SEPTIN9: variants seen among roughly 807,000 people sequenced by gnomAD.
SEPTIN9 encodes the protein septin-9.
Under a neutral mutation model 56.6 loss-of-function variants are expected in SEPTIN9, and 13 were observed. The ratio of observed to expected loss-of-function variants is 0.23; its 90% CI spans 0.15 to 0.37. The LOEUF (loss-of-function observed/expected upper bound fraction) is 0.37. Ranked by LOEUF, SEPTIN9 falls within the 10% of genes least tolerant of loss-of-function variation. The pLI, the probability that SEPTIN9 is intolerant of heterozygous loss-of-function variation, is 1.00. For synonymous variants in SEPTIN9, 332 were observed against 334.1 expected, an observed-to-expected ratio of 0.99 and a Z score of 0.07; for missense variants, 650 against 823.1, an observed-to-expected ratio of 0.79 and a Z score of 2.57.
At position 77,445,532 on chromosome 17, in the gene SEPTIN9, G is replaced by C. The variant is rs2037707776; in HGVS notation, c.722-36612G>C. On this transcript the variant is annotated intron_variant, in intron 3 of 11. Coordinates refer to ENST00000427177, the MANE Select transcript of SEPTIN9 (RefSeq NM_001113491.2). The surrounding 1 kb of genome is among the most constrained non-coding windows in gnomAD (Gnocchi z 4.7). ...GGTGCATGTGTGCACGCACGTGTGT[G>C]TGTGTGTGCGTGCGTGCTGGGTGGG... The C allele has an allele frequency of 2.5e-6, 1 of 401,694 alleles. No homozygotes were observed. Among genetic ancestry groups the C allele is most frequent in the Admixed American group, 3.0e-5 (1 of 33,566 alleles). The allele number at this position is 401,694 out of a possible 1,614,324, so 24.9% of individuals were successfully genotyped here. A position where few individuals can be genotyped will look rare whatever the true frequency, so the allele number is the denominator to read the frequency against.
At chr17:77,480,605 T>C (rs77866796) in intron 3 of SEPTIN9, among the ~76,000 whole-genome samples, 4,520 of 152,288 alleles carry the variant, frequency 0.03, 90 homozygotes, top group African/African-American at 0.044. Flanking sequence ...GCTGCTCACT[T>C]GCCTGTCACG....
At position 77,500,367 on chromosome 17, in the gene SEPTIN9, A is replaced by AT. The variant is rs984811008; in HGVS notation, c.*1710dup. ...AGGCCATGTGGCCTGCCCAGCCTCA[A>AT]TGTCACTTGGTGGCGGGGTGGGGTG... On this transcript the variant is annotated 3_prime_UTR_variant, in exon 12 of 12. Transcript: ENST00000427177. 1 of 149,280 alleles carries AT rather than the reference A, an allele frequency of 6.7e-6. No individual in the cohort carries two copies. Among genetic ancestry groups the AT allele is most frequent in the Non-Finnish European group, 1.5e-5 (1 of 68,754 alleles). 9.2% of individuals were successfully genotyped at this position (149,280 alleles called of 1,614,324 possible).
chr17:77,294,103 CAAAAA>C (rs376507344), intron 1 of SEPTIN9, among the ~76,000 whole-genome samples: 1 of 115,902 alleles, frequency 8.6e-6, no homozygotes, highest in Admixed American at 8.4e-5. Flanking sequence ...GACCATGTCT[CAAAAA>C]AAAAAAAAAA....
intron 2 of SEPTIN9, among the ~76,000 whole-genome samples, chr17:77,391,124 C>A (rs1473471972): frequency 6.6e-6 from 1 of 152,156 alleles, no homozygotes; most frequent in African/African-American, 2.4e-5. Flanking sequence ...TGCCTCCTGC[C>A]AGGCTAGACC....
chr17:77,369,761 G>C lies in SEPTIN9; in HGVS notation c.77-32298G>C, dbSNP rs955936440. 6.6e-6 allele frequency among the ~76,000 whole-genome samples: 1 copy of C among 152,214 alleles called. No individual in the cohort carries two copies. On this transcript the variant is annotated intron_variant, in intron 2 of 11. Transcript: ENST00000427177. The surrounding 1 kb of genome is among the most constrained non-coding windows in gnomAD (Gnocchi z 4.9). ...AGCCCCTCACCTTCCTTCGCTCTCCGAGCCTCTTTTGCTTCCCTGCCAGCT... is the reference window on the plus strand; with the variant it reads ...AGCCCCTCACCTTCCTTCGCTCTCCCAGCCTCTTTTGCTTCCCTGCCAGCT...
intron 10 of SEPTIN9, among the ~76,000 whole-genome samples, chr17:77,494,674 C>T (rs1044992024): frequency 1.3e-5 from 2 of 152,236 alleles, no homozygotes; most frequent in Admixed American, 1.3e-4. Flanking sequence ...TCCGAAGCTC[C>T]CCGCACCCAC....
chr17:77,288,633 C>G (rs1474228230), intron 1 of SEPTIN9, among the ~76,000 whole-genome samples: 2 of 152,232 alleles, frequency 1.3e-5, no homozygotes, highest in African/African-American at 4.8e-5. Context: ...GGAATAATGT[C>G]CATGTAACCC....
At chr17:77,378,290 G>T (rs2035005736) in intron 2 of SEPTIN9, among the ~76,000 whole-genome samples, 1 of 152,150 alleles carries the variant, frequency 6.6e-6, no homozygotes, top group Admixed American at 6.5e-5. Context: ...GAGGGGTATG[G>T]CAGTGTAGGG....
At chr17:77,488,379 A>G in intron 6 of SEPTIN9, 58 bp downstream of exon 6, 2 of 1,478,148 alleles carry the variant, frequency 1.4e-6, no homozygotes, top group African/African-American at 2.8e-5. Flanking sequence ...CCTGGACCCC[A>G]CCCAGAGTCA....
intron 3 of SEPTIN9, among the ~76,000 whole-genome samples, chr17:77,458,501 G>A (rs1242484585): frequency 6.6e-6 from 1 of 152,184 alleles, no homozygotes; most frequent in African/African-American, 2.4e-5. Flanking sequence ...TACGAACCAC[G>A]TGGCCTCAGA....
Position 77,318,674 on chromosome 17 carries a change from T to TC in SEPTIN9, c.76+11481dup, listed in dbSNP as rs1418296897. Among the ~76,000 whole-genome samples the TC allele has an allele frequency of 6.6e-6, 1 of 152,068 alleles. No homozygotes were observed. The highest frequency in any genetic ancestry group is 1.5e-5 in the Non-Finnish European group (1 of 68,016). The stretch of plus-strand genomic sequence containing the variant: ...TCTCCCAGAAGGCTGGGAATGGTCC[T>TC]CCCCACCCCCCAGGAAGATGTCCTT... On this transcript the variant is annotated intron_variant, in intron 2 of 11. Coordinates refer to ENST00000427177, the MANE Select transcript of SEPTIN9 (RefSeq NM_001113491.2). This position sits in a 1 kb window ranked among gnomAD's most constrained non-coding sequence, Gnocchi z 4.9.
chr17:77,444,329 TG>T (rs2037656346), intron 3 of SEPTIN9, among the ~76,000 whole-genome samples: 1 of 149,528 alleles, frequency 6.7e-6, no homozygotes, highest in Middle Eastern at 3.2e-3. Flanking sequence ...AGATGGGAGG[TG>T]GGTGTTGGTA....
intron 2 of SEPTIN9, chr17:77,376,947 T>C (rs2034948376): frequency 2.0e-5 from 3 of 152,372 alleles, no homozygotes; most frequent in African/African-American, 7.2e-5. Context: ...CATGGCTTTA[T>C]GTTCCATCAC....
intron 2 of SEPTIN9, among the ~76,000 whole-genome samples, chr17:77,388,504 C>T (rs2035418217): frequency 6.6e-6 from 1 of 152,188 alleles, no homozygotes; most frequent in Non-Finnish European, 1.5e-5. Flanking sequence ...CACGTGGGGG[C>T]TCTGTGGCCA....
intron 4 of SEPTIN9, among the ~76,000 whole-genome samples, chr17:77,485,567 T>C (rs939922980): frequency 1.3e-5 from 2 of 151,782 alleles, no homozygotes; most frequent in Admixed American, 1.3e-4. Context: ...ATAATAAAAG[T>C]AACAATAATA....
chr17:77,489,041 A>G (rs1035658019), intron 7 of SEPTIN9, among the ~76,000 whole-genome samples, 177 bp downstream of exon 7: 2 of 112,148 alleles, frequency 1.8e-5, no homozygotes, highest in South Asian at 5.2e-4. Flanking sequence ...AAAGCCTCAC[A>G]CTGACCCCTA....
At chr17:77,335,094 T>C (rs182493391) in intron 2 of SEPTIN9, among the ~76,000 whole-genome samples, 5 of 151,562 alleles carry the variant, frequency 3.3e-5, no homozygotes, top group African/African-American at 9.7e-5. Flanking sequence ...CAGCCCTATA[T>C]TGACTGTATA....
At chr17:77,361,396 T>C (rs879621565) in intron 2 of SEPTIN9, among the ~76,000 whole-genome samples, 1 of 152,158 alleles carries the variant, frequency 6.6e-6, no homozygotes, top group Non-Finnish European at 1.5e-5. Flanking sequence ...TAGCTATGCC[T>C]GGGGTAGGTT....
intron 3 of SEPTIN9, among the ~76,000 whole-genome samples, chr17:77,422,443 C>T (rs2036739324): frequency 6.6e-6 from 1 of 152,174 alleles, no homozygotes; most frequent in African/African-American, 2.4e-5. Context: ...GAGCTTCTCC[C>T]CTTGTCTCCC....
Sources: allele counts gnomAD v4.1 joint callset (sites outside exome capture counted in the v4.1 genomes callset), GRCh38; gene constraint gnomAD v4.1.1; non-coding constraint Gnocchi (gnomAD v3.1); transcripts MANE v1.5; gene names NCBI Gene and HGNC (gene_info 2026-07-23, HGNC 2026-07-21).